Variants in KCNIP4 observed in about 807,000 individuals in gnomAD.
KCNIP4 encodes the protein Kv channel-interacting protein 4.
KCNIP4 carries 12 observed loss-of-function variants against 34.0 expected under a neutral mutation model. That is an observed-to-expected ratio of 0.35 (90% CI 0.23 to 0.57). The LOEUF is 0.57. Among genes scored for constraint, KCNIP4 ranks in the 20% least tolerant of loss-of-function variants. KCNIP4 has a pLI of 0.83. For missense variants in KCNIP4, 238 were observed against 311.7 expected, an observed-to-expected ratio of 0.76 and a Z score of 1.78; for synonymous variants, 124 against 102.2, an observed-to-expected ratio of 1.21 and a Z score of -1.29.
At chr4:21,670,348 A>T (rs955497455) in intron 1 of KCNIP4, among the ~76,000 whole-genome samples, 1 of 144,414 alleles carries the variant, frequency 6.9e-6, no homozygotes, top group Non-Finnish European at 1.5e-5. Flanking sequence ...GCATATCCTC[A>T]CTCATAGGTG....
intron 1 of KCNIP4, among the ~76,000 whole-genome samples, chr4:21,530,203 G>A (rs908563836): frequency 6.6e-6 from 1 of 152,110 alleles, no homozygotes; most frequent in African/African-American, 2.4e-5. Flanking sequence ...CGGATCAAAT[G>A]TGTTTCTCCT....
intron 1 of KCNIP4, among the ~76,000 whole-genome samples, chr4:21,887,407 G>C (rs962422753): frequency 6.6e-6 from 1 of 151,990 alleles, no homozygotes; most frequent in Non-Finnish European, 1.5e-5. Context: ...TCATTCATGA[G>C]AGTTCCACCC....
chr4:21,838,146 A>G (rs948272741), intron 1 of KCNIP4, among the ~76,000 whole-genome samples: 1 of 152,218 alleles, frequency 6.6e-6, no homozygotes, highest in East Asian at 1.9e-4. Context: ...TGGAAAAGAA[A>G]ATATTTCACT....
chr4:21,583,733 G>A (rs946524983), intron 1 of KCNIP4, among the ~76,000 whole-genome samples: 1 of 151,846 alleles, frequency 6.6e-6, no homozygotes, highest in Non-Finnish European at 1.5e-5. Context: ...GTTCCAAGCA[G>A]GGAAGATAAA....
At chr4:21,097,074 C>A (rs1251660044) in intron 1 of KCNIP4, among the ~76,000 whole-genome samples, 1 of 151,838 alleles carries the variant, frequency 6.6e-6, no homozygotes, top group Non-Finnish European at 1.5e-5. Context: ...ACTATACAAC[C>A]CACCAATTCC....
At chr4:21,899,052 G>A (rs974140385) in intron 1 of KCNIP4, among the ~76,000 whole-genome samples, 4 of 152,280 alleles carry the variant, frequency 2.6e-5, no homozygotes, top group East Asian at 1.9e-4. Flanking sequence ...TGTCAGCTTA[G>A]TCACAGTAGA....
chr4:21,364,144 A>T lies in KCNIP4; in HGVS notation c.62-481435T>A, dbSNP rs544273423. Among the ~76,000 whole-genome samples the T allele has an allele frequency of 8.5e-5, 13 of 152,252 alleles. No individual in the cohort carries two copies. The East Asian group carries it at 2.3e-3, about 27-fold the overall frequency. Reference sequence around the variant, plus strand: ...ATTTCTGTAACATTAGCTTACAAGGATTGTTTCTCAAGTGGAATTTCTGCC... The same window carrying T: ...ATTTCTGTAACATTAGCTTACAAGGTTTGTTTCTCAAGTGGAATTTCTGCC... On this transcript the variant is annotated intron_variant, in intron 1 of 8. Transcript: ENST00000382152.
chr4:21,593,119 T>TTTGTGTGTGTGTG (rs1560543855), intron 1 of KCNIP4, among the ~76,000 whole-genome samples: 14 of 134,986 alleles, frequency 1.0e-4, no homozygotes, highest in African/African-American at 3.7e-4. Context: ...GTGTGTGTGT[T>TTTGTGTGTGTGTG]TGTGTGTGTG....
chr4:20,967,468 C>A (rs1370655859), intron 1 of KCNIP4, among the ~76,000 whole-genome samples: 1 of 152,148 alleles, frequency 6.6e-6, no homozygotes, highest in African/African-American at 2.4e-5. Context: ...GCCTGCACAG[C>A]CAAGACGATC....
At chr4:21,805,784 C>T (rs887800121) in intron 1 of KCNIP4, among the ~76,000 whole-genome samples, 1 of 152,144 alleles carries the variant, frequency 6.6e-6, no homozygotes, top group Non-Finnish European at 1.5e-5. Flanking sequence ...GAGCCCTGGC[C>T]AGTAAGCAAG....
chr4:21,455,714 T>C (rs1728868604), intron 1 of KCNIP4, among the ~76,000 whole-genome samples: 1 of 148,698 alleles, frequency 6.7e-6, no homozygotes. Context: ...CCCTTTTTTT[T>C]CTTTTTCCTC....
chr4:21,107,981 A>G (rs935944720), intron 1 of KCNIP4, among the ~76,000 whole-genome samples: 2 of 151,306 alleles, frequency 1.3e-5, no homozygotes, highest in Non-Finnish European at 2.9e-5. Context: ...TGTTAGTCTG[A>G]TGGGCTTCCC....
chr4:20,931,443 A>G (rs1185642102), intron 1 of KCNIP4, among the ~76,000 whole-genome samples: 1 of 152,130 alleles, frequency 6.6e-6, no homozygotes, highest in Non-Finnish European at 1.5e-5. Context: ...ACAAGCCGAA[A>G]TGGTATATAC....
At chr4:21,215,173 T>C (rs2108986885) in intron 1 of KCNIP4, among the ~76,000 whole-genome samples, 1 of 152,344 alleles carries the variant, frequency 6.6e-6, no homozygotes, top group Non-Finnish European at 1.5e-5. Flanking sequence ...GGGAGACTTA[T>C]TTCTTGAAAC....
intron 3 of KCNIP4, chr4:20,850,261 C>T (rs970037317): frequency 3.5e-5 from 8 of 231,390 alleles, no homozygotes; most frequent in Non-Finnish European, 6.8e-5. Context: ...GAAATTATGT[C>T]ATTATAGTTG....
intron 1 of KCNIP4, among the ~76,000 whole-genome samples, chr4:20,947,787 G>T (rs1732340503): frequency 6.6e-6 from 1 of 152,074 alleles, no homozygotes. Context: ...GCACATACTG[G>T]GCTAACTACA....
chr4:21,348,254 C>T (rs1419260580), intron 1 of KCNIP4, among the ~76,000 whole-genome samples: 1 of 152,148 alleles, frequency 6.6e-6, no homozygotes, highest in Non-Finnish European at 1.5e-5. Context: ...TATCAAGTCA[C>T]TAACAGTCTT....
At chr4:21,291,721 G>A (rs1763475574) in intron 1 of KCNIP4, among the ~76,000 whole-genome samples, 1 of 151,698 alleles carries the variant, frequency 6.6e-6, no homozygotes, top group African/African-American at 2.4e-5. Flanking sequence ...AGGCATGGTG[G>A]TGGGCGCCTG....
chr4:21,132,504 A>C, intron 1 of KCNIP4, among the ~76,000 whole-genome samples: 1 of 152,160 alleles, frequency 6.6e-6, no homozygotes, highest in East Asian at 1.9e-4. Context: ...TTATTATTAA[A>C]AGTGCCTCAT....
Sources: gnomAD v4.1 joint callset for allele counts (sites outside exome capture counted in the v4.1 genomes callset) on GRCh38, gnomAD v4.1.1 for gene constraint, MANE v1.5 for transcripts, NCBI Gene and HGNC (gene_info 2026-07-23, HGNC 2026-07-21) for gene names.